Variants in NELL2 observed in about 807,000 individuals in gnomAD.
NELL2 encodes the protein neural EGFL like 2, also known as protein kinase C-binding protein NELL2.
In NELL2, 41 loss-of-function variants were observed where a neutral mutation model predicts 109.6. The observed-to-expected ratio is 0.37, with a 90% CI of 0.29 to 0.49. The LOEUF (loss-of-function observed/expected upper bound fraction) is 0.49, where lower values mean the gene tolerates loss of function less well. Among genes scored for constraint, NELL2 ranks in the 20% least tolerant of loss-of-function variants. NELL2 has a pLI of 0.98. For synonymous variants in NELL2, 355 were observed against 344.7 expected (o/e 1.03, Z -0.33); for missense variants, 900 against 1,008.3 (o/e 0.89, Z 1.45).
intron 2 of NELL2, among the ~76,000 whole-genome samples, chr12:44,824,266 G>A (rs1366857414): frequency 6.6e-6 from 1 of 152,130 alleles, no homozygotes; most frequent in African/African-American, 2.4e-5. Flanking sequence ...AAACTTTTTA[G>A]TTTGGTGCAA....
chr12:44,529,814 A>G (rs1384277507), intron 16 of NELL2, among the ~76,000 whole-genome samples: 1 of 152,222 alleles, frequency 6.6e-6, no homozygotes, highest in African/African-American at 2.4e-5. Context: ...TGTCACTGGA[A>G]GGAAGAAGGC....
upstream of NELL2, chr12:44,876,769 G>T (rs1448857712): frequency 7.6e-6 from 11 of 1,454,790 alleles, no homozygotes; most frequent in Admixed American, 2.3e-4. Context: ...GGGGTGCAGG[G>T]CACTCCCCCT....
intron 3 of NELL2, among the ~76,000 whole-genome samples, chr12:44,794,855 C>T (rs1942563505): frequency 2.0e-5 from 3 of 152,226 alleles, no homozygotes; most frequent in South Asian, 4.1e-4. Context: ...TTGAAAATCA[C>T]ATTATAAATC....
At chr12:44,815,625 T>C (rs1470086085) in intron 3 of NELL2, among the ~76,000 whole-genome samples, 1 of 152,246 alleles carries the variant, frequency 6.6e-6, no homozygotes, top group African/African-American at 2.4e-5. Flanking sequence ...AACCAATCTT[T>C]GTGTTGTTGT....
chr12:44,629,596 G>A (rs74530063), intron 13 of NELL2, among the ~76,000 whole-genome samples: 1 of 152,096 alleles, frequency 6.6e-6, no homozygotes, highest in East Asian at 1.9e-4. Context: ...GAGACAGATC[G>A]GGCACATACA....
chr12:44,832,052 G>A (rs950136744), intron 2 of NELL2, among the ~76,000 whole-genome samples: 9 of 152,102 alleles, frequency 5.9e-5, no homozygotes, highest in African/African-American at 1.7e-4. Flanking sequence ...AAAACAGAGA[G>A]TAAAAATTTT....
intron 12 of NELL2, among the ~76,000 whole-genome samples, chr12:44,689,984 A>G (rs1169249719): frequency 6.6e-6 from 1 of 152,248 alleles, no homozygotes; most frequent in Non-Finnish European, 1.5e-5. Flanking sequence ...CATAAACTAA[A>G]GACTCAAAAA....
chr12:44,877,973 C>A (rs1018799497), upstream of NELL2, among the ~76,000 whole-genome samples: 5 of 152,086 alleles, frequency 3.3e-5, no homozygotes, highest in African/African-American at 1.2e-4. Flanking sequence ...CTAAAATATT[C>A]AATTGTAATA....
At chr12:44,857,130 AC>A (rs1364729094) in intron 2 of NELL2, among the ~76,000 whole-genome samples, 1 of 152,228 alleles carries the variant, frequency 6.6e-6, no homozygotes, top group African/African-American at 2.4e-5. Context: ...CAAAGTGACA[AC>A]CTACCTGAAT....
At chr12:44,620,121 GTTTTTTT>G (rs147103574) in intron 13 of NELL2, among the ~76,000 whole-genome samples, 1 of 134,436 alleles carries the variant, frequency 7.4e-6, no homozygotes, top group Non-Finnish European at 1.6e-5. Context: ...CCTGGGTTTT[GTTTTTTT>G]TTTTTTTTTA....
At chr12:44,887,832 G>C (rs993827549) in intron 1 of NELL2, among the ~76,000 whole-genome samples, 1 of 151,912 alleles carries the variant, frequency 6.6e-6, no homozygotes, top group African/African-American at 2.4e-5. Context: ...AAGATTTTTA[G>C]CTTGATGCAA....
At chr12:44,537,741 T>C (rs1942361604) in intron 15 of NELL2, among the ~76,000 whole-genome samples, 1 of 152,152 alleles carries the variant, frequency 6.6e-6, no homozygotes, top group Non-Finnish European at 1.5e-5. Context: ...CTCTGTCTCT[T>C]GTTGAGCTTC....
chr12:44,801,208 A>C (rs530986547), intron 3 of NELL2, among the ~76,000 whole-genome samples: 1 of 152,280 alleles, frequency 6.6e-6, no homozygotes, highest in African/African-American at 2.4e-5. Context: ...ATTAAAAGAC[A>C]AAATAGTTAC....
chr12:44,775,223 G>C (rs896963297), intron 8 of NELL2, among the ~76,000 whole-genome samples: 1 of 151,010 alleles, frequency 6.6e-6, no homozygotes, highest in East Asian at 1.9e-4. Flanking sequence ...GAACATGCAC[G>C]CACGCACACA....
intron 19 of NELL2, among the ~76,000 whole-genome samples, 161 bp downstream of exon 19, chr12:44,519,844 C>T (rs1941444585): frequency 7.7e-6 from 1 of 129,344 alleles, no homozygotes. Flanking sequence ...CCATGACAGC[C>T]CTGGAACTAA....
rs116307538 is a variant in NELL2, at chr12:44,558,822, A to G, written c.1664-26101T>C. Among the ~76,000 whole-genome samples, 696 of 152,234 alleles carry G rather than the reference A, an allele frequency of 4.6e-3. 5 individuals are homozygous for G. The highest frequency in any genetic ancestry group is 0.016 in the African/African-American group (656 of 41,558). On this transcript the variant is annotated intron_variant, in intron 15 of 19. Coordinates refer to ENST00000429094, the MANE Select transcript of NELL2 (RefSeq NM_001145108.2). The stretch of plus-strand genomic sequence containing the variant: ...GTGGCGACTGGAACACCAGTGAGAC[A>G]GAACCGTTCACTACCCTGGAAAAGG...
intron 3 of NELL2, among the ~76,000 whole-genome samples, chr12:44,788,295 C>A (rs12315309): frequency 0.02 from 3,001 of 152,246 alleles, 94 homozygotes; most frequent in African/African-American, 0.069. Flanking sequence ...CTGAAGGAAG[C>A]AGATTGCTCC....
chr12:44,644,598 ATATATGTATG>A (rs1400986594), intron 13 of NELL2, among the ~76,000 whole-genome samples: 1 of 99,472 alleles, frequency 1.0e-5, no homozygotes, highest in Non-Finnish European at 1.9e-5. Context: ...ATATATATAT[ATATATGTATG>A]TATATATATA....
intron 2 of NELL2, among the ~76,000 whole-genome samples, chr12:44,852,207 A>G (rs1039504701): frequency 2.6e-5 from 4 of 152,200 alleles, no homozygotes; most frequent in African/African-American, 9.7e-5. Flanking sequence ...TCTCAATTTA[A>G]TTATCTAAAG....
Sources: allele counts gnomAD v4.1 joint callset (sites outside exome capture counted in the v4.1 genomes callset), GRCh38; gene constraint gnomAD v4.1.1; transcripts MANE v1.5; gene names NCBI Gene and HGNC (gene_info 2026-07-23, HGNC 2026-07-21).